CDH13: variants seen among roughly 807,000 people sequenced by gnomAD.
The protein encoded by CDH13 is cadherin 13, also known as cadherin-13.
Under a neutral mutation model 63.8 loss-of-function variants are expected in CDH13, and 24 were observed. That is an observed-to-expected ratio of 0.38 (90% CI 0.27 to 0.53). The LOEUF (loss-of-function observed/expected upper bound fraction) is 0.53. Among genes scored for constraint, CDH13 ranks in the 20% least tolerant of loss-of-function variants. The probability of loss-of-function intolerance (pLI) is 0.85; values close to 1 mark genes in which losing one functional copy is unlikely to be tolerated. For synonymous variants in CDH13, 503 were observed against 355.3 expected, an observed-to-expected ratio of 1.42 and a Z score of -4.67; for missense variants, 1,049 against 903.1, an observed-to-expected ratio of 1.16 and a Z score of -2.07.
rs1256868052 is a variant in CDH13 at position 83,798,822 on chromosome 16, T to A, written c.*3792T>A. The A allele has an allele frequency of 6.6e-6, 1 of 152,152 alleles. No individual in the cohort carries two copies. The highest frequency in any genetic ancestry group is 1.5e-5 in the Non-Finnish European group (1 of 68,034). 9.4% of individuals were successfully genotyped at this position (152,152 alleles called of 1,614,324 possible). ...TTTACTAACAGTATCTTCTGTTACC[T>A]ATTATTAAGTTCATGCTATACTTCT... On this transcript the variant is annotated 3_prime_UTR_variant, in exon 14 of 14. Transcript: ENST00000567109.
chr16:83,350,380 G>A (rs2090928160), intron 6 of CDH13, among the ~76,000 whole-genome samples: 1 of 152,220 alleles, frequency 6.6e-6, no homozygotes, highest in Non-Finnish European at 1.5e-5. Flanking sequence ...GATGAATGTG[G>A]CATTTACCTA....
intron 6 of CDH13, among the ~76,000 whole-genome samples, chr16:83,450,787 G>A (rs942836548): frequency 4.6e-5 from 7 of 152,162 alleles, no homozygotes; most frequent in East Asian, 1.9e-4. Context: ...GGAGAATGGC[G>A]TGAACCCGGG....
intron 2 of CDH13, among the ~76,000 whole-genome samples, chr16:83,028,978 G>A (rs1315837250): frequency 6.6e-6 from 1 of 152,154 alleles, no homozygotes; most frequent in Non-Finnish European, 1.5e-5. Flanking sequence ...TACAACCTGT[G>A]TGTACTGGGC....
intron 4 of CDH13, among the ~76,000 whole-genome samples, chr16:83,148,125 A>G (rs559075237): frequency 1.3e-5 from 2 of 152,136 alleles, no homozygotes; most frequent in Admixed American, 6.5e-5. Flanking sequence ...TTTAGTAGGC[A>G]CGGGGTTTCA....
At chr16:82,906,637 C>T (rs1362757948) in intron 2 of CDH13, among the ~76,000 whole-genome samples, 1 of 152,138 alleles carries the variant, frequency 6.6e-6, no homozygotes, top group Non-Finnish European at 1.5e-5. Context: ...TAACAGATTA[C>T]CACTAACTCA....
intron 1 of CDH13, among the ~76,000 whole-genome samples, chr16:82,777,117 G>C (rs1382810195): frequency 6.6e-6 from 1 of 152,074 alleles, no homozygotes; most frequent in Non-Finnish European, 1.5e-5. Context: ...GGCTGAGTTT[G>C]TTTGTTTGTT....
chr16:83,344,200 A>G (rs1204791542), intron 5 of CDH13, among the ~76,000 whole-genome samples: 10 of 152,248 alleles, frequency 6.6e-5, no homozygotes, highest in Admixed American at 6.5e-4. Flanking sequence ...ATGCCATGAC[A>G]TAATTCTTCG....
chr16:82,840,813 C>T (rs190249133), intron 1 of CDH13, among the ~76,000 whole-genome samples: 9 of 152,108 alleles, frequency 5.9e-5, no homozygotes, highest in South Asian at 4.1e-4. Flanking sequence ...TGGTGTTGGC[C>T]GTTTCATTGT....
chr16:82,880,243 C>T (rs945331170), intron 2 of CDH13, among the ~76,000 whole-genome samples: 1 of 152,032 alleles, frequency 6.6e-6, no homozygotes, highest in African/African-American at 2.4e-5. Flanking sequence ...TCATGCTTCT[C>T]CCACCTGAAC....
At chr16:83,433,307 A>G (rs2072183009) in intron 6 of CDH13, among the ~76,000 whole-genome samples, 2 of 152,336 alleles carry the variant, frequency 1.3e-5, no homozygotes, top group East Asian at 1.9e-4. Context: ...AAATGAGGGA[A>G]ATAAGAGTGC....
In CDH13 at chr16:83,001,468, A is replaced by G. The variant is rs188559095; in HGVS notation, c.158-30542A>G. Among the ~76,000 whole-genome samples, 1,090 of 152,382 alleles carry G rather than the reference A, an allele frequency of 7.2e-3. 4 individuals are homozygous for G. Among genetic ancestry groups the G allele is most frequent in the Admixed American group, 0.011 (170 of 15,308 alleles). The stretch of plus-strand genomic sequence containing the variant: ...TCCTGCTCCAATGGGCCAGTATTCA[A>G]AATGCCATTGCTCACATGAAAACAG... On this transcript the variant is annotated intron_variant, in intron 2 of 13. Transcript: ENST00000567109.
rs1567513783 is a variant in CDH13, at chr16:83,216,404, A to ATT, written c.484-940_484-939insTT. 1.2e-3 allele frequency among the ~76,000 whole-genome samples: 70 copies of ATT among 56,514 alleles called. 2 individuals carry two copies. Among genetic ancestry groups the ATT allele is most frequent in the African/African-American group, 5.0e-3 (63 of 12,496 alleles). 37.1% of individuals were successfully genotyped at this position (56,514 alleles called of 152,430 possible). On this transcript the variant is annotated intron_variant, in intron 4 of 13. Transcript: ENST00000567109. Reference sequence around the variant, plus strand: ...CTCTGCCTCCAGCATTGAAATATATATATATATATATATATATATATATAT... The same window carrying ATT: ...CTCTGCCTCCAGCATTGAAATATATATTTATATATATATATATATATATATAT...
chr16:82,700,243 T>A (rs1022166341), intron 1 of CDH13, among the ~76,000 whole-genome samples: 1 of 152,122 alleles, frequency 6.6e-6, no homozygotes. Flanking sequence ...CCAAGAAGGG[T>A]TTAGAATGTG....
At chr16:82,966,303 C>G (rs1034834911) in intron 2 of CDH13, among the ~76,000 whole-genome samples, 2 of 151,470 alleles carry the variant, frequency 1.3e-5, no homozygotes, top group Non-Finnish European at 2.9e-5. Flanking sequence ...CGCCCGCCAC[C>G]ACGCCCAGCT....
intron 1 of CDH13, among the ~76,000 whole-genome samples, chr16:82,805,925 C>A (rs761908164): frequency 5.3e-5 from 8 of 152,156 alleles, no homozygotes; most frequent in South Asian, 2.1e-4. Context: ...GTTTTGATCA[C>A]CCTTTCTACC....
At chr16:83,311,108 C>T (rs1218698564) in intron 5 of CDH13, among the ~76,000 whole-genome samples, 1 of 152,190 alleles carries the variant, frequency 6.6e-6, no homozygotes, top group African/African-American at 2.4e-5. Context: ...CGGTTCTGTT[C>T]TTCAAAACTC....
chr16:83,133,166 C>G (rs2036134006), intron 4 of CDH13, among the ~76,000 whole-genome samples: 1 of 152,180 alleles, frequency 6.6e-6, no homozygotes, highest in Non-Finnish European at 1.5e-5. Flanking sequence ...ATTGGGACAA[C>G]TTGGCAGTTG....
rs1385527241 is a variant in CDH13 at position 82,877,942 on chromosome 16, CACACACACACACACACACATAT to C, written c.157+19484_157+19505del. On this transcript the variant is annotated intron_variant, in intron 2 of 13. Transcript: ENST00000567109. Reference sequence around the variant, plus strand: ...ACACATAGACACACACACACACACACACACACACACACACACACATATACACACACACACACTCTATATATGT... The same window carrying C: ...ACACATAGACACACACACACACACACACACACACACACACTCTATATATGT... 6.0e-3 allele frequency among the ~76,000 whole-genome samples: 827 copies of C among 138,538 alleles called. 3 individuals are homozygous for C. The highest frequency in any genetic ancestry group is 0.021 in the Middle Eastern group (6 of 282). The allele number at this position is 138,538 out of a possible 152,430, so 90.9% of individuals were successfully genotyped here.
At chr16:82,926,036 GAAA>G (rs1295705591) in intron 2 of CDH13, 1 of 151,670 alleles carries the variant, frequency 6.6e-6, no homozygotes, top group Non-Finnish European at 1.5e-5. Context: ...ACAGTGGTAA[GAAA>G]AAAAATAAAA....
Sources: gnomAD v4.1 joint callset for allele counts (sites outside exome capture counted in the v4.1 genomes callset) on GRCh38, gnomAD v4.1.1 for gene constraint, MANE v1.5 for transcripts, NCBI Gene and HGNC (gene_info 2026-07-23, HGNC 2026-07-21) for gene names.